Variants in PATJ observed in about 807,000 individuals in gnomAD.
PATJ encodes inaD-like protein.
A neutral mutation model predicts 224.9 loss-of-function variants in PATJ; 190 were observed. That is an observed-to-expected ratio of 0.84 (90% CI 0.75 to 0.95). The LOEUF (loss-of-function observed/expected upper bound fraction) is 0.95, where lower values mean the gene tolerates loss of function less well. Among genes scored for constraint, PATJ ranks in the 40% least tolerant of loss-of-function variants. PATJ has a pLI of 0.00. For missense variants in PATJ, 2,121 were observed against 2,270.3 expected (o/e 0.93, Z 1.34); for synonymous variants, 769 against 820.3 (o/e 0.94, Z 1.07).
chr1:61,895,530 G>A (rs1379116755), intron 22 of PATJ, among the ~76,000 whole-genome samples: 3 of 152,264 alleles, frequency 2.0e-5, no homozygotes, highest in Non-Finnish European at 4.4e-5. Flanking sequence ...GAGGGTGCAA[G>A]CCCCAAGCCT....
chr1:61,874,885 T>C (rs184495399), intron 20 of PATJ, among the ~76,000 whole-genome samples: 60 of 152,356 alleles, frequency 3.9e-4, no homozygotes, highest in Admixed American at 3.9e-3. Flanking sequence ...TATTTGTAGA[T>C]ATCAGAGCAA....
intron 29 of PATJ, among the ~76,000 whole-genome samples, chr1:62,029,398 C>G (rs559574973): frequency 6.6e-6 from 1 of 152,180 alleles, no homozygotes; most frequent in East Asian, 1.9e-4. Flanking sequence ...TCCTCATGAC[C>G]ACTAATTTTT....
intron 33 of PATJ, among the ~76,000 whole-genome samples, chr1:62,094,657 T>C (rs895207652): frequency 6.6e-6 from 1 of 152,080 alleles, no homozygotes; most frequent in Non-Finnish European, 1.5e-5. Flanking sequence ...TTTAATCTTT[T>C]TTATGTCAAA....
chr1:61,811,215 G>C (rs969180640), intron 14 of PATJ, among the ~76,000 whole-genome samples: 1 of 152,080 alleles, frequency 6.6e-6, no homozygotes, highest in African/African-American at 2.4e-5. Flanking sequence ...GCCTAGAATA[G>C]TTGCAAGCAC....
chr1:61,885,470 C>T (rs999291169), intron 22 of PATJ, among the ~76,000 whole-genome samples: 9 of 152,042 alleles, frequency 5.9e-5, no homozygotes, highest in Non-Finnish European at 1.2e-4. Flanking sequence ...ATCAAAACCA[C>T]AATGAGATAC....
intron 29 of PATJ, among the ~76,000 whole-genome samples, chr1:62,031,619 G>T (rs533718412): frequency 2.2e-4 from 34 of 152,120 alleles, no homozygotes; most frequent in African/African-American, 6.5e-4. Flanking sequence ...TTTAACTTGC[G>T]TATATGAGAG....
chr1:61,908,242 T>C (rs1192337061), intron 24 of PATJ, 130 bp from the exon 25 acceptor site: 1 of 611,278 alleles, frequency 1.6e-6, no homozygotes, highest in Non-Finnish European at 2.9e-6. Flanking sequence ...GCCAATCTTA[T>C]TTTTTTCTGA....
chr1:61,838,104 A>G (rs142064824), intron 17 of PATJ, among the ~76,000 whole-genome samples: 1 of 152,240 alleles, frequency 6.6e-6, no homozygotes, highest in South Asian at 2.1e-4. Flanking sequence ...TTAGGTTATA[A>G]GTTTCTTTAT....
At chr1:61,786,375 G>T (rs907096759) in intron 7 of PATJ, among the ~76,000 whole-genome samples, 1 of 151,608 alleles carries the variant, frequency 6.6e-6, no homozygotes, top group Non-Finnish European at 1.5e-5. Flanking sequence ...GTGTTTTGTT[G>T]TTGTTGTTGT....
At chr1:61,966,322 A>G (rs908835991) in intron 27 of PATJ, among the ~76,000 whole-genome samples, 2 of 152,184 alleles carry the variant, frequency 1.3e-5, no homozygotes, top group African/African-American at 4.8e-5. Context: ...GTTACTGGAA[A>G]GGGGTTAGGA....
intron 17 of PATJ, among the ~76,000 whole-genome samples, chr1:61,844,176 G>A (rs1661554276): frequency 6.6e-6 from 1 of 152,206 alleles, no homozygotes; most frequent in South Asian, 2.1e-4. Context: ...CTCTCTGAGT[G>A]TTATTTCTTG....
intron 43 of PATJ, among the ~76,000 whole-genome samples, chr1:62,157,947 A>G (rs1465123515): frequency 6.7e-6 from 1 of 149,284 alleles, no homozygotes; most frequent in Admixed American, 7.0e-5. Context: ...CAGCAACTCT[A>G]AAAATTTCAG....
chr1:62,003,147 CT>C (rs1333815137), intron 28 of PATJ, among the ~76,000 whole-genome samples: 1 of 152,190 alleles, frequency 6.6e-6, no homozygotes, highest in East Asian at 1.9e-4. Flanking sequence ...TTCATTTATT[CT>C]TTCCTTTGCC....
intron 1 of PATJ, among the ~76,000 whole-genome samples, chr1:61,759,411 T>C (rs1645832453): frequency 2.2e-5 from 1 of 45,750 alleles, no homozygotes; most frequent in African/African-American, 4.3e-5. Flanking sequence ...TTTTAATTGC[T>C]TTTTTTTTTT....
intron 29 of PATJ, among the ~76,000 whole-genome samples, chr1:62,022,227 T>G (rs922559675): frequency 2.0e-5 from 3 of 152,254 alleles, no homozygotes; most frequent in African/African-American, 7.2e-5. Flanking sequence ...TTAACACTTG[T>G]ATTTATTCAT....
intron 27 of PATJ, among the ~76,000 whole-genome samples, chr1:61,961,486 ATTAGCTACCAATTTGCAATAAAATGTT>A (rs1164484114): frequency 6.6e-6 from 1 of 152,220 alleles, no homozygotes; most frequent in Non-Finnish European, 1.5e-5. Flanking sequence ...ACTAGATCTT[ATTAGCTACCAATTTGCAATAAAATGTT>A]TTATTATAAT....
In PATJ at chr1:62,114,086, G is replaced by A. The variant is rs41289428; in HGVS notation, c.4495G>A (p.Glu1499Lys). 19,327 of 1,614,066 alleles carry A rather than the reference G, an allele frequency of 0.012. 161 individuals are homozygous for A. The highest frequency in any genetic ancestry group is 0.014 in the Non-Finnish European group (16,049 of 1,179,978). The change falls in exon 35 of 44, where the codon GAA (glutamate) becomes AAA (lysine). Residue 1499 changes from glutamate (E) to lysine (K), a missense_variant. Coordinates refer to ENST00000642238, the MANE Select transcript of PATJ (RefSeq NM_001350145.3). Reference protein sequence around the residue: ...NGVDLRNSSHEEAITALRQTP... With the variant: ...NGVDLRNSSHKEAITALRQTP... The stretch of plus-strand genomic sequence containing the variant: ...GGTTGACCTGAGGAACTCCAGCCAC[G>A]AAGAAGCCATCACAGCCCTGAGGCA...
intron 1 of PATJ, among the ~76,000 whole-genome samples, chr1:61,747,522 T>C (rs1015796161): frequency 2.0e-5 from 3 of 152,226 alleles, no homozygotes; most frequent in African/African-American, 7.2e-5. Context: ...TTCAAGAATG[T>C]GTCTTGTAAT....
Position 62,122,958 on chromosome 1 carries a change from A to T in PATJ, c.5006-63A>T, listed in dbSNP as rs372059314. ...AAATGAAACCATTTTTCATGGGGCA[A>T]TATTATATGCTAAATATATTATTTT... On this transcript the variant is annotated intron_variant, in intron 38 of 43. Transcript: ENST00000642238. 7.5e-6 allele frequency: 8 copies of T among 1,065,470 alleles called. No individual in the cohort carries two copies. The African/African-American group carries it at 9.8e-5, about 13-fold the overall frequency. 66.0% of individuals were successfully genotyped at this position (1,065,470 alleles called of 1,614,324 possible). A position where few individuals can be genotyped will look rare whatever the true frequency, so the allele number is the denominator to read the frequency against.
Sources: gnomAD v4.1 joint callset for allele counts (sites outside exome capture counted in the v4.1 genomes callset) on GRCh38, gnomAD v4.1.1 for gene constraint, MANE v1.5 for transcripts, NCBI Gene and HGNC (gene_info 2026-07-23, HGNC 2026-07-21) for gene names.